The following TUSC3 variants were observed in gnomAD, a reference collection of about 807,000 sequenced individuals.
TUSC3 encodes dolichyl-diphosphooligosaccharide--protein glycosyltransferase subunit TUSC3.
TUSC3 carries 45 observed loss-of-function variants against 44.8 expected under a neutral mutation model. The ratio of observed to expected loss-of-function variants is 1.00; its 90% CI spans 0.79 to 1.29. TUSC3 has a LOEUF of 1.29. Among genes scored for constraint, TUSC3 ranks in the 50% most tolerant of loss-of-function variants. The probability of loss-of-function intolerance (pLI) is 0.00; values close to 1 mark genes in which losing one functional copy is unlikely to be tolerated. For missense variants in TUSC3, 519 were observed against 437.9 expected (o/e 1.19, Z -1.65); for synonymous variants, 212 against 152.9 (o/e 1.39, Z -2.85).
At chr8:15,617,142 T>TTA (rs1805029676) in intron 1 of TUSC3, among the ~76,000 whole-genome samples, 11 of 8,024 alleles carry the variant, frequency 1.4e-3, no homozygotes, top group Non-Finnish European at 3.7e-3. Context: ...GTATATATTT[T>TTA]TTTTTTTTTT....
At chr8:15,471,722 A>G (rs974251033) in intron 1 of TUSC3, among the ~76,000 whole-genome samples, 5 of 151,422 alleles carry the variant, frequency 3.3e-5, no homozygotes, top group Admixed American at 3.3e-4. Flanking sequence ...GGTTAAAGCT[A>G]TTCTCCCGCC....
At chr8:15,832,768 C>A in the TUSC3 span, among the ~76,000 whole-genome samples, 1 of 152,116 alleles carries the variant, frequency 6.6e-6, no homozygotes, top group Non-Finnish European at 1.5e-5. Flanking sequence ...CACAGGAGCA[C>A]CCACATTCCT....
chr8:15,526,638 C>A (rs1214188301), intron 2 of TUSC3, among the ~76,000 whole-genome samples: 1 of 152,164 alleles, frequency 6.6e-6, no homozygotes, highest in Non-Finnish European at 1.5e-5. Context: ...GTGCCTTTCG[C>A]CTTCTGCCAT....
At chr8:15,467,816 C>A (rs1213020501) in intron 1 of TUSC3, among the ~76,000 whole-genome samples, 2 of 152,242 alleles carry the variant, frequency 1.3e-5, no homozygotes, top group East Asian at 3.9e-4. Context: ...GACACAATAT[C>A]TTTTCTACGT....
intron 1 of TUSC3, among the ~76,000 whole-genome samples, chr8:15,587,578 C>T (rs899803773): frequency 1.3e-5 from 2 of 152,094 alleles, no homozygotes; most frequent in African/African-American, 4.8e-5. Flanking sequence ...TGGGAGCATC[C>T]AGAATCCTCT....
chr8:15,674,759 T>C (rs186945155), intron 6 of TUSC3, among the ~76,000 whole-genome samples: 40 of 152,184 alleles, frequency 2.6e-4, no homozygotes, highest in African/African-American at 8.9e-4. Context: ...CATAATAAGT[T>C]AGACATAGTT....
chr8:15,794,061 T>C, the TUSC3 span, among the ~76,000 whole-genome samples: 1 of 152,160 alleles, frequency 6.6e-6, no homozygotes, highest in Non-Finnish European at 1.5e-5. Flanking sequence ...TCCTGATGCT[T>C]TTCTCCCTCT....
At chr8:15,706,622 G>A (rs949316539) in intron 6 of TUSC3, among the ~76,000 whole-genome samples, 9 of 152,060 alleles carry the variant, frequency 5.9e-5, no homozygotes, top group African/African-American at 1.9e-4. Context: ...TATCAATTTC[G>A]TGTAGCTCAT....
At chr8:15,561,559 T>G (rs1332140535) in intron 1 of TUSC3, 2 of 152,226 alleles carry the variant, frequency 1.3e-5, no homozygotes, top group South Asian at 2.1e-4. Flanking sequence ...GCTGCTTTGT[T>G]TACCTAATCA....
intron 6 of TUSC3, among the ~76,000 whole-genome samples, chr8:15,696,516 G>A (rs1809174557): frequency 6.6e-6 from 1 of 152,134 alleles, no homozygotes; most frequent in Admixed American, 6.5e-5. Flanking sequence ...CAGAGTCCCT[G>A]CTGGGACACC....
At chr8:15,777,808 A>T in the TUSC3 span, among the ~76,000 whole-genome samples, 3 of 152,150 alleles carry the variant, frequency 2.0e-5, no homozygotes, top group African/African-American at 7.2e-5. Flanking sequence ...TTATATACAG[A>T]TATATACAGA....
chr8:15,543,926 G>C (rs1165312916), intron 1 of TUSC3, among the ~76,000 whole-genome samples: 1 of 151,854 alleles, frequency 6.6e-6, no homozygotes, highest in Non-Finnish European at 1.5e-5. Context: ...GTGTGTGTGT[G>C]TGTGTGTGTA....
intron 6 of TUSC3, among the ~76,000 whole-genome samples, chr8:15,679,632 A>C (rs1808331451): frequency 1.3e-5 from 2 of 152,092 alleles, no homozygotes; most frequent in Admixed American, 1.3e-4. Context: ...TTTTATTTGC[A>C]GTTGCTTTTG....
chr8:15,681,110 AG>A (rs1401202556), intron 6 of TUSC3, among the ~76,000 whole-genome samples: 2 of 148,080 alleles, frequency 1.4e-5, no homozygotes, highest in Non-Finnish European at 3.0e-5. Context: ...CGTGTTAGGG[AG>A]GATTCCTTCA....
intron 6 of TUSC3, among the ~76,000 whole-genome samples, chr8:15,680,190 AT>A (rs1053193232): frequency 5.9e-5 from 9 of 152,038 alleles, no homozygotes; most frequent in African/African-American, 2.2e-4. Flanking sequence ...GGCGATTTTA[AT>A]GATAGTGAGC....
intron 7 of TUSC3, among the ~76,000 whole-genome samples, chr8:15,738,585 C>CTCTT (rs1400330974): frequency 7.2e-5 from 11 of 152,182 alleles, no homozygotes; most frequent in African/African-American, 2.4e-4. Context: ...ATACGTGTGA[C>CTCTT]TCTTTCCTGA....
Position 15,548,550 on chromosome 8 carries a change from A to G in TUSC3, c.138+7982A>G, listed in dbSNP as rs1020146133. ...ACCTCGAAAGTACACGCCTGAGGGC[A>G]AAAAACAGCATAGAAAAATGGGAAG... On this transcript the variant is annotated intron_variant, in intron 1 of 10. Coordinates refer to ENST00000503731, the MANE Select transcript of TUSC3 (RefSeq NM_006765.4). Among the ~76,000 whole-genome samples the G allele has an allele frequency of 1.1e-4, 17 of 151,876 alleles. 2 individuals are homozygous for G. Among genetic ancestry groups the G allele is most frequent in the Admixed American group, 6.6e-5 (1 of 15,204 alleles).
At chr8:15,838,523 G>T in the TUSC3 span, among the ~76,000 whole-genome samples, 2 of 152,036 alleles carry the variant, frequency 1.3e-5, no homozygotes, top group Admixed American at 6.6e-5. Flanking sequence ...CCCACTTTCA[G>T]CTCCAGGAAG....
intron 2 of TUSC3, among the ~76,000 whole-genome samples, chr8:15,496,844 G>T (rs559266761): frequency 6.6e-6 from 1 of 152,116 alleles, no homozygotes; most frequent in South Asian, 2.1e-4. Context: ...CCTTTCCATT[G>T]GCATACCATA....
Sources: allele counts gnomAD v4.1 joint callset (sites outside exome capture counted in the v4.1 genomes callset), GRCh38; gene constraint gnomAD v4.1.1; transcripts MANE v1.5; gene names NCBI Gene and HGNC (gene_info 2026-07-23, HGNC 2026-07-21).